The following WIPF3 variants were observed in gnomAD, a reference collection of about 807,000 sequenced individuals.
The protein encoded by WIPF3 is WAS/WASL interacting protein family member 3.
Under a neutral mutation model 38.9 loss-of-function variants are expected in WIPF3, and 33 were observed. That is an observed-to-expected ratio of 0.85 (90% CI 0.64 to 1.14). The LOEUF (loss-of-function observed/expected upper bound fraction) is 1.14, where lower values mean the gene tolerates loss of function less well. Ranked by LOEUF, WIPF3 falls within the 50% of genes most tolerant of loss-of-function variation. WIPF3 has a pLI of 0.00. For missense variants in WIPF3, 711 were observed against 652.5 expected (o/e 1.09, Z -0.98); for synonymous variants, 324 against 269.3 (o/e 1.20, Z -1.99).
At chr7:29,869,369 A>C (rs888963327) in intron 2 of WIPF3, among the ~76,000 whole-genome samples, 1 of 152,150 alleles carries the variant, frequency 6.6e-6, no homozygotes, top group Non-Finnish European at 1.5e-5. Context: ...CAGAGTTAGC[A>C]CTCAAATCTT....
At chr7:29,871,724 T>C (rs1785499877) in intron 2 of WIPF3, among the ~76,000 whole-genome samples, 1 of 152,220 alleles carries the variant, frequency 6.6e-6, no homozygotes, top group Admixed American at 6.5e-5. Context: ...ATGCGAAAGC[T>C]TTTATAATGT....
At chr7:29,833,235 A>G (rs1784750083) in intron 1 of WIPF3, among the ~76,000 whole-genome samples, 1 of 152,196 alleles carries the variant, frequency 6.6e-6, no homozygotes. Context: ...AGTTTTGGAA[A>G]CGGATAGTGA....
chr7:29,864,118 G>T (rs1432223164), intron 2 of WIPF3, among the ~76,000 whole-genome samples: 1 of 152,074 alleles, frequency 6.6e-6, no homozygotes, highest in Non-Finnish European at 1.5e-5. Context: ...CCTGATCTTG[G>T]GAGAAAATGT....
intron 1 of WIPF3, among the ~76,000 whole-genome samples, chr7:29,811,128 C>T (rs1472943050): frequency 1.3e-5 from 2 of 151,962 alleles, no homozygotes; most frequent in South Asian, 2.1e-4. Context: ...TGGATTTAAG[C>T]GATCCTCCTG....
chr7:29,894,763 T>A (rs1342155439), intron 7 of WIPF3, among the ~76,000 whole-genome samples: 1 of 99,140 alleles, frequency 1.0e-5, no homozygotes, highest in African/African-American at 3.6e-5. Context: ...TCTCTCTTTC[T>A]GACACACACA....
chr7:29,907,778 G>A (rs1431264271), intron 8 of WIPF3, among the ~76,000 whole-genome samples: 1 of 152,092 alleles, frequency 6.6e-6, no homozygotes, highest in Non-Finnish European at 1.5e-5. Context: ...AATTTCTGCT[G>A]TTTTCATAAA....
chr7:29,856,727 T>C lies in WIPF3; in HGVS notation c.91-19103T>C, dbSNP rs559635243. Among the ~76,000 whole-genome samples, 5 of 152,302 alleles carry C rather than the reference T, an allele frequency of 3.3e-5. No individual in the cohort carries two copies. In the South Asian group the frequency reaches 8.3e-4, roughly 25 times the overall value. On this transcript the variant is annotated intron_variant, in intron 2 of 8. Transcript: ENST00000242140. ...TTTATTTGTTTATATTGATTTTACC[T>C]TGTCAGATCAATGGCTCGTCATTGA...
Position 29,884,172 on chromosome 7 carries a change from A to AC in WIPF3, c.680dup (p.Pro228SerfsTer17). Reference sequence around the variant, plus strand: ...CCGTCCCCTGTGCGCCACCACCTCCACCTCCGCCACCTCCCCCAACGCCAC... The same window carrying AC: ...CCGTCCCCTGTGCGCCACCACCTCCACCCTCCGCCACCTCCCCCAACGCCAC... On this transcript the variant is annotated frameshift_variant, in exon 5 of 9. Transcript: ENST00000242140. LOFTEE classifies it high-confidence loss of function. The AC allele has an allele frequency of 8.2e-7, 1 of 1,223,262 alleles. No individual in the cohort carries two copies. Among genetic ancestry groups the AC allele is most frequent in the Non-Finnish European group, 1.0e-6 (1 of 969,358 alleles). 75.8% of individuals were successfully genotyped at this position (1,223,262 alleles called of 1,614,324 possible).
chr7:29,875,916 G>T lies in WIPF3; in HGVS notation c.177G>T (p.Leu59=). The T allele has an allele frequency of 6.2e-7, 1 of 1,614,080 alleles. No individual in the cohort carries two copies. The highest frequency in any genetic ancestry group is 8.5e-7 in the Non-Finnish European group (1 of 1,179,906). Residue 59 remains leucine (L), a synonymous_variant, in exon 3 of 9, where the codon CTG becomes CTT. Coordinates refer to ENST00000242140, the MANE Select transcript of WIPF3 (RefSeq NM_001080529.3). ...CTGATATCCAGCAAGGAACTCGCCT[G>T]CGCAAAGTCACGCAGATCAACGACC... The part of the protein sequence containing the change: ...LLADIQQGTR[L]RKVTQINDRS...
intron 2 of WIPF3, among the ~76,000 whole-genome samples, chr7:29,868,597 A>G (rs1302168202): frequency 1.3e-5 from 2 of 151,876 alleles, no homozygotes; most frequent in Non-Finnish European, 2.9e-5. Context: ...ACACACATAT[A>G]TACAGTGATG....
In WIPF3 at chr7:29,833,905, C is replaced by G. The variant is rs1454860736; in HGVS notation, c.-57-763C>G. Among the ~76,000 whole-genome samples the G allele has an allele frequency of 2.0e-5, 3 of 152,116 alleles. No individual in the cohort carries two copies. The South Asian group carries it at 6.2e-4, about 32-fold the overall frequency. ...TTGCTATGGGTTCTAAGACACATGC[C>G]CACATACACACATATGCATGCACAC... On this transcript the variant is annotated intron_variant, in intron 1 of 8. Transcript: ENST00000242140.
At chr7:29,893,777 C>T (rs1786074369) in intron 7 of WIPF3, among the ~76,000 whole-genome samples, 1 of 152,122 alleles carries the variant, frequency 6.6e-6, no homozygotes, top group East Asian at 1.9e-4. Context: ...CTTTCCTTCC[C>T]CTGAGGCAGG....
intron 7 of WIPF3, among the ~76,000 whole-genome samples, chr7:29,901,292 A>C (rs1330427745): frequency 6.6e-6 from 1 of 152,038 alleles, no homozygotes; most frequent in Non-Finnish European, 1.5e-5. Flanking sequence ...GTGGCATCTC[A>C]TAAGGGAAAT....
At chr7:29,870,643 A>C (rs1007292628) in intron 2 of WIPF3, among the ~76,000 whole-genome samples, 7 of 152,228 alleles carry the variant, frequency 4.6e-5, no homozygotes, top group Middle Eastern at 3.4e-3. Context: ...TCATAGCCCC[A>C]AAAAAAGACC....
chr7:29,869,037 TTCA>T (rs1234955436), intron 2 of WIPF3, among the ~76,000 whole-genome samples: 1 of 151,914 alleles, frequency 6.6e-6, no homozygotes, highest in Admixed American at 6.6e-5. Flanking sequence ...TTTTTTTTTT[TTCA>T]TTTTTTGAGA....
At chr7:29,902,332 T>C (rs953876022) in intron 7 of WIPF3, among the ~76,000 whole-genome samples, 1 of 150,742 alleles carries the variant, frequency 6.6e-6, no homozygotes, top group Non-Finnish European at 1.5e-5. Flanking sequence ...ATCTAGCAGT[T>C]ACTATATATT....
At chr7:29,913,286 G>A (rs946038829) in intron 8 of WIPF3, among the ~76,000 whole-genome samples, 12 of 151,098 alleles carry the variant, frequency 7.9e-5, no homozygotes, top group South Asian at 6.3e-4. Context: ...CGGAGGTTGC[G>A]GTGAGCTGAG....
intron 1 of WIPF3, among the ~76,000 whole-genome samples, chr7:29,819,439 C>T (rs905281426): frequency 6.6e-6 from 1 of 151,824 alleles, no homozygotes; most frequent in Non-Finnish European, 1.5e-5. Context: ...AAGATGGTTA[C>T]TTATTTTATT....
At chr7:29,838,958 C>T (rs1486902559) in intron 2 of WIPF3, among the ~76,000 whole-genome samples, 1 of 152,096 alleles carries the variant, frequency 6.6e-6, no homozygotes, top group Non-Finnish European at 1.5e-5. Flanking sequence ...GCTGTATGAT[C>T]CCATGTATAT....
Sources: gnomAD v4.1 joint callset for allele counts (sites outside exome capture counted in the v4.1 genomes callset) on GRCh38, gnomAD v4.1.1 for gene constraint, MANE v1.5 for transcripts, NCBI Gene and HGNC (gene_info 2026-07-23, HGNC 2026-07-21) for gene names.